The following SOX13 variants were observed in gnomAD, a reference collection of about 807,000 sequenced individuals.
The protein encoded by SOX13 is SRY-box transcription factor 13, also known as transcription factor SOX-13.
In SOX13, 28 loss-of-function variants were observed where a neutral mutation model predicts 71.8. The observed-to-expected ratio is 0.39, with a 90% CI of 0.29 to 0.53. The LOEUF (loss-of-function observed/expected upper bound fraction) is 0.53, where lower values mean the gene tolerates loss of function less well. Among genes scored for constraint, SOX13 ranks in the 20% least tolerant of loss-of-function variants. SOX13 has a pLI of 0.70. For synonymous variants in SOX13, 309 were observed against 317.8 expected (o/e 0.97, Z 0.29); for missense variants, 627 against 810.3 (o/e 0.77, Z 2.75).
chr1:204,099,312 A>C (rs1334102837), intron 1 of SOX13, among the ~76,000 whole-genome samples: 1 of 151,904 alleles, frequency 6.6e-6, no homozygotes. Flanking sequence ...AAATCCTTAT[A>C]GATTATGCTT....
chr1:204,120,196 A>G (rs560225769), intron 7 of SOX13, among the ~76,000 whole-genome samples: 1 of 152,200 alleles, frequency 6.6e-6, no homozygotes, highest in Non-Finnish European at 1.5e-5. Context: ...GACAGGCCCA[A>G]TGTGGAAGTT....
Position 204,126,132 on chromosome 1 carries a change from T to C in SOX13, c.1867T>C (p.Ter623ArgextTer59), listed in dbSNP as rs1169939547. The change falls in exon 14 of 14, where the codon TGA becomes CGA. Residue 623 changes from the stop codon to arginine (R), a stop_lost. Transcript: ENST00000367204. ...TGGGGAGTTGGTGGTGCTCACAGAC[T>C]GATCCCGGCTGGGTGGGCCTGGCCC... ...SDGELVVLTD[*>R] is the part of the protein sequence containing the mutation. 2 of 1,612,578 alleles carry C rather than the reference T, an allele frequency of 1.2e-6. No individual in the cohort carries two copies. Among genetic ancestry groups the C allele is most frequent in the African/African-American group, 2.7e-5 (2 of 74,910 alleles).
At position 204,126,040 on chromosome 1, in the gene SOX13, CGGT is replaced by C. The variant is rs1656914688; in HGVS notation, c.1778_1780del (p.Val593del). The C allele has an allele frequency of 6.2e-7, 1 of 1,613,838 alleles. No individual in the cohort carries two copies. The highest frequency in any genetic ancestry group is 1.3e-5 in the African/African-American group (1 of 74,926). On this transcript the variant is annotated inframe_deletion, in exon 14 of 14. Transcript: ENST00000367204. Reference sequence around the variant, plus strand: ...GGTGAGGGCACAGATGACAGGCACTCGGTGGCTGATGGCGAGATGTACCGGTAC... The same window carrying C: ...GGTGAGGGCACAGATGACAGGCACTCGGCTGATGGCGAGATGTACCGGTAC...
rs116714828 is a variant in SOX13 at position 204,124,033 on chromosome 1, G to A, written c.1375+229G>A. 2.1e-3 allele frequency among the ~76,000 whole-genome samples: 325 copies of A among 152,346 alleles called. 1 individual carries two copies. Among genetic ancestry groups the A allele is most frequent in the African/African-American group, 7.6e-3 (314 of 41,584 alleles). On this transcript the variant is annotated intron_variant, in intron 12 of 13. Coordinates refer to ENST00000367204, the MANE Select transcript of SOX13 (RefSeq NM_005686.3). ...TCAAGAACTCAAGGAGTGTGCGTGT[G>A]TGTGTGTTTACATTCTTTAGTACTC...
intron 2 of SOX13, among the ~76,000 whole-genome samples, chr1:204,113,917 ATAAC>A (rs1205787137): frequency 6.6e-6 from 1 of 152,202 alleles, no homozygotes; most frequent in Non-Finnish European, 1.5e-5. Context: ...CAAGGGAGTG[ATAAC>A]TAATAGCTGA....
Position 204,107,314 on chromosome 1 carries a change from G to A in SOX13, c.-1-5601G>A, listed in dbSNP as rs182669588. 5.9e-5 allele frequency among the ~76,000 whole-genome samples: 9 copies of A among 152,240 alleles called. No homozygotes were observed. In the East Asian group the frequency reaches 1.2e-3, roughly 20 times the overall value. ...CCAGGTTGTTGGATTCAAACCCTGC[G>A]GGTCTTCCAAGTTGTCCCCTGACTC... On this transcript the variant is annotated intron_variant, in intron 1 of 13. Coordinates refer to ENST00000367204, the MANE Select transcript of SOX13 (RefSeq NM_005686.3).
intron 1 of SOX13, among the ~76,000 whole-genome samples, chr1:204,098,360 C>A (rs1656296107): frequency 6.6e-6 from 1 of 152,050 alleles, no homozygotes; most frequent in African/African-American, 2.4e-5. Flanking sequence ...GCCTGTAATC[C>A]CAGCTACTCG....
chr1:204,122,058 G>A, intron 8 of SOX13, 73 bp downstream of exon 8: 1 of 1,183,218 alleles, frequency 8.5e-7, no homozygotes, highest in Non-Finnish European at 1.2e-6. Context: ...TTAGGGAACT[G>A]CGGGGTGTGG....
At position 204,126,536 on chromosome 1, in the gene SOX13, C is replaced by G. The variant is rs997603512; in HGVS notation, c.*402C>G. ...ACCAGCCACTGTGGGACCAACACCC[C>G]TCCCACACTCCCCCAGACTGCTCGT... On this transcript the variant is annotated 3_prime_UTR_variant, in exon 14 of 14. Coordinates refer to ENST00000367204, the MANE Select transcript of SOX13 (RefSeq NM_005686.3). The G allele has an allele frequency of 1.6e-5, 4 of 247,026 alleles. No homozygotes were observed. The highest frequency in any genetic ancestry group is 2.4e-5 in the Non-Finnish European group (3 of 125,928). The allele number at this position is 247,026 out of a possible 1,614,324, so 15.3% of individuals were successfully genotyped here.
chr1:204,082,799 G>A (rs1362731105), intron 1 of SOX13, among the ~76,000 whole-genome samples: 1 of 152,170 alleles, frequency 6.6e-6, no homozygotes, highest in Non-Finnish European at 1.5e-5. Context: ...GGTAGAGGTG[G>A]GTAGCAAGAG....
intron 1 of SOX13, among the ~76,000 whole-genome samples, chr1:204,111,560 C>G (rs1209221621): frequency 6.6e-6 from 1 of 152,202 alleles, no homozygotes; most frequent in East Asian, 1.9e-4. Context: ...TGCAGAGTCT[C>G]AAGAGGGTCT....
At chr1:204,082,206 A>G (rs10793752) in intron 1 of SOX13, among the ~76,000 whole-genome samples, 134,984 of 150,970 alleles carry the variant, frequency 0.89, 60,634 homozygotes, top group African/African-American at 0.97. Flanking sequence ...GTGTGTATCT[A>G]TGAGTGTGAT....
At chr1:204,095,983 C>T (rs983861660) in intron 1 of SOX13, among the ~76,000 whole-genome samples, 27 of 152,172 alleles carry the variant, frequency 1.8e-4, no homozygotes, top group African/African-American at 3.1e-4. Flanking sequence ...TTGTCTACAT[C>T]GTAGATGTGT....
intron 1 of SOX13, among the ~76,000 whole-genome samples, chr1:204,080,139 G>A (rs748726914): frequency 4.6e-5 from 7 of 152,184 alleles, no homozygotes; most frequent in Non-Finnish European, 8.8e-5. Context: ...AAATAGCTTT[G>A]GATACCCAGG....
intron 1 of SOX13, among the ~76,000 whole-genome samples, chr1:204,102,964 G>A (rs80222428): frequency 2.0e-5 from 3 of 152,220 alleles, no homozygotes; most frequent in South Asian, 2.1e-4. Context: ...ACCTGCCTCC[G>A]GAAGAGCTGG....
Position 204,125,995 on chromosome 1 carries a change from C to T in SOX13, c.1730C>T (p.Thr577Ile), listed in dbSNP as rs755853161. The T allele has an allele frequency of 6.2e-7, 1 of 1,613,880 alleles. No individual in the cohort carries two copies. Among genetic ancestry groups the T allele is most frequent in the Non-Finnish European group, 8.5e-7 (1 of 1,179,896 alleles). ...LDPNMPVIVN[T>I]CSLREEGEGT... The stretch of plus-strand genomic sequence containing the variant: ...CCCAACATGCCTGTGATCGTCAACA[C>T]CTGCAGCCTCAGAGAGGAGGGTGAG... The change falls in exon 14 of 14, where the codon ACC becomes ATC. Residue 577 changes from threonine (T) to isoleucine (I), a missense_variant. Transcript: ENST00000367204.
intron 1 of SOX13, among the ~76,000 whole-genome samples, chr1:204,086,316 G>A (rs11240660): frequency 0.9 from 136,302 of 152,054 alleles, 61,339 homozygotes; most frequent in African/African-American, 0.97. Context: ...AATTTTTTTT[G>A]TTTTTGAAAT....
intron 1 of SOX13, among the ~76,000 whole-genome samples, chr1:204,105,924 A>T (rs1273071036): frequency 6.6e-6 from 1 of 152,152 alleles, no homozygotes; most frequent in Non-Finnish European, 1.5e-5. Flanking sequence ...GGAGCCCAGT[A>T]ACTCCTGTAT....
chr1:204,113,834 T>TG (rs1260152615), intron 2 of SOX13, among the ~76,000 whole-genome samples: 1 of 151,928 alleles, frequency 6.6e-6, no homozygotes, highest in Non-Finnish European at 1.5e-5. Context: ...AGGCAGGCAG[T>TG]GGGGAGTGTG....
Sources: gnomAD v4.1 joint callset for allele counts (sites outside exome capture counted in the v4.1 genomes callset) on GRCh38, gnomAD v4.1.1 for gene constraint, MANE v1.5 for transcripts, NCBI Gene and HGNC (gene_info 2026-07-23, HGNC 2026-07-21) for gene names.